DAP: variants seen among roughly 807,000 people sequenced by gnomAD.
DAP encodes the protein death associated protein.
A neutral mutation model predicts 13.8 loss-of-function variants in DAP; 8 were observed. That is an observed-to-expected ratio of 0.58 (90% CI 0.34 to 1.05). The LOEUF (loss-of-function observed/expected upper bound fraction) is 1.05, where lower values mean the gene tolerates loss of function less well. Ranked by LOEUF, DAP falls within the 50% of genes least tolerant of loss-of-function variation. The probability of loss-of-function intolerance (pLI) is 0.03; values close to 1 mark genes in which losing one functional copy is unlikely to be tolerated. For synonymous variants in DAP, 47 were observed against 47.5 expected (o/e 0.99, Z 0.04); for missense variants, 106 against 133.2 (o/e 0.80, Z 1.01).
At chr5:10,746,278 A>C (rs1425421386) in intron 2 of DAP, among the ~76,000 whole-genome samples, 1 of 152,168 alleles carries the variant, frequency 6.6e-6, no homozygotes, top group Non-Finnish European at 1.5e-5. Flanking sequence ...TTACGTTCCA[A>C]ACATAGCTTT....
intron 2 of DAP, among the ~76,000 whole-genome samples, chr5:10,688,964 CCT>C (rs1257195909): frequency 6.6e-6 from 1 of 152,154 alleles, no homozygotes; most frequent in African/African-American, 2.4e-5. Context: ...GCACTGGTCC[CCT>C]GTGTGCACTG....
At chr5:10,690,266 TCTCC>T (rs1055278247) in intron 2 of DAP, among the ~76,000 whole-genome samples, 6 of 151,988 alleles carry the variant, frequency 3.9e-5, no homozygotes, top group African/African-American at 1.5e-4. Flanking sequence ...CAGTCCAAGC[TCTCC>T]CTCCCTTCTA....
rs143746789 is a variant in DAP, at chr5:10,727,700, T to A, written c.152+20475A>T. On this transcript the variant is annotated intron_variant, in intron 2 of 3. Transcript: ENST00000230895. ...AAAATGGTGTGCTGTATGTAGGCAA[T>A]CTGCTATGTTTCTGGGAGTATAAAT... Among the ~76,000 whole-genome samples, 9 of 152,300 alleles carry A rather than the reference T, an allele frequency of 5.9e-5. No homozygotes were observed. The East Asian group carries it at 1.7e-3, about 29-fold the overall frequency.
At chr5:10,708,941 T>C (rs1433447424) in intron 2 of DAP, among the ~76,000 whole-genome samples, 7 of 152,232 alleles carry the variant, frequency 4.6e-5, no homozygotes, top group Non-Finnish European at 1.0e-4. Context: ...TCAAAGGTTA[T>C]AGGCAACATA....
At chr5:10,687,566 G>A (rs114092407) in intron 2 of DAP, among the ~76,000 whole-genome samples, 243 of 152,266 alleles carry the variant, frequency 1.6e-3, no homozygotes, top group African/African-American at 5.5e-3. Flanking sequence ...GATTAGAAGT[G>A]GAGCCTGAAG....
In DAP at chr5:10,680,362, TG is replaced by T; in HGVS notation, c.*693del. On this transcript the variant is annotated 3_prime_UTR_variant, in exon 4 of 4. Transcript: ENST00000230895. ...GTGGAGCCTGTCTGGGCTGAGGCGA[TG>T]CTGGGCTTGCCGTGCCGAGATCTCA... is the stretch of plus-strand genomic sequence containing the variant. 3.6e-6 allele frequency: 1 copy of T among 274,310 alleles called. No individual in the cohort carries two copies. The allele number at this position is 274,310 out of a possible 1,614,324, so 17.0% of individuals were successfully genotyped here.
intron 2 of DAP, among the ~76,000 whole-genome samples, chr5:10,708,147 A>C (rs1738745317): frequency 6.6e-6 from 1 of 152,226 alleles, no homozygotes; most frequent in Non-Finnish European, 1.5e-5. Flanking sequence ...CACTTTGAGG[A>C]GGAAAATTTT....
intron 1 of DAP, among the ~76,000 whole-genome samples, chr5:10,759,001 A>G (rs751486998): frequency 1.1e-4 from 16 of 152,212 alleles, no homozygotes; most frequent in Non-Finnish European, 2.1e-4. Flanking sequence ...AGCCTGGCCA[A>G]CATGGCAAAA....
chr5:10,689,562 T>TAAAG (rs983450447), intron 2 of DAP, among the ~76,000 whole-genome samples: 14 of 152,314 alleles, frequency 9.2e-5, no homozygotes, highest in Admixed American at 6.5e-4. Flanking sequence ...ATTCTGCTCA[T>TAAAG]AAAGACAGAG....
chr5:10,758,167 G>C (rs1391073261), intron 1 of DAP, among the ~76,000 whole-genome samples: 1 of 150,778 alleles, frequency 6.6e-6, no homozygotes, highest in East Asian at 1.9e-4. Context: ...CTGTGCTCTT[G>C]GCTATCCTTG....
At chr5:10,683,147 C>A (rs941956476) in intron 3 of DAP, 10 of 295,522 alleles carry the variant, frequency 3.4e-5, no homozygotes, top group Non-Finnish European at 5.2e-5. Flanking sequence ...AGTGGGCTGT[C>A]CCCAACACTG....
At chr5:10,738,614 G>A (rs1396857923) in intron 2 of DAP, among the ~76,000 whole-genome samples, 1 of 152,134 alleles carries the variant, frequency 6.6e-6, no homozygotes, top group East Asian at 1.9e-4. Flanking sequence ...GGTCATGAAA[G>A]ATTTTAAAAA....
At chr5:10,721,041 T>A (rs1057009115) in intron 2 of DAP, among the ~76,000 whole-genome samples, 53 of 152,222 alleles carry the variant, frequency 3.5e-4, no homozygotes, top group Admixed American at 3.5e-3. Context: ...ATGTTCTCCA[T>A]CATCCTGAAG....
intron 2 of DAP, among the ~76,000 whole-genome samples, chr5:10,685,362 C>T (rs978220462): frequency 3.5e-5 from 4 of 113,400 alleles, no homozygotes; most frequent in African/African-American, 1.2e-4. Flanking sequence ...AAAAGTCCCG[C>T]CACGTGGTAT....
chr5:10,745,494 A>G (rs896962481), intron 2 of DAP, among the ~76,000 whole-genome samples: 1 of 152,198 alleles, frequency 6.6e-6, no homozygotes, highest in Non-Finnish European at 1.5e-5. Flanking sequence ...CAAATCTTTA[A>G]GGTAAATAAG....
At chr5:10,712,991 G>C (rs3756410) in intron 2 of DAP, among the ~76,000 whole-genome samples, 1 of 152,126 alleles carries the variant, frequency 6.6e-6, no homozygotes, top group Non-Finnish European at 1.5e-5. Context: ...GCCTCCATAC[G>C]ACACATGTAC....
chr5:10,683,262 G>A (rs550555916), intron 3 of DAP: 4 of 537,594 alleles, frequency 7.4e-6, no homozygotes, highest in African/African-American at 5.7e-5. Flanking sequence ...GCTGATGGGA[G>A]TTCACTGGTG....
At chr5:10,734,314 A>T (rs1398518279) in intron 2 of DAP, 1 of 152,378 alleles carries the variant, frequency 6.6e-6, no homozygotes, top group East Asian at 1.9e-4. Flanking sequence ...GAAGCTCATA[A>T]ATCACACCTG....
At chr5:10,742,969 A>G (rs1052229827) in intron 2 of DAP, among the ~76,000 whole-genome samples, 2 of 145,352 alleles carry the variant, frequency 1.4e-5, no homozygotes, top group Non-Finnish European at 3.0e-5. Flanking sequence ...ATTCAGAACC[A>G]TATGTTCATA....
Sources: allele counts gnomAD v4.1 joint callset (sites outside exome capture counted in the v4.1 genomes callset), GRCh38; gene constraint gnomAD v4.1.1; transcripts MANE v1.5; gene names NCBI Gene and HGNC (gene_info 2026-07-23, HGNC 2026-07-21).